ATRN: variants seen among roughly 807,000 people sequenced by gnomAD.
ATRN encodes the protein attractin-2.
ATRN carries 54 observed loss-of-function variants against 178.7 expected under a neutral mutation model. The observed-to-expected ratio is 0.30, with a 90% confidence interval of 0.24 to 0.38. ATRN has a LOEUF of 0.38. Ranked by LOEUF, ATRN falls within the 10% of genes least tolerant of loss-of-function variation. The pLI is 1.00. For synonymous variants in ATRN, 636 were observed against 663.0 expected, an observed-to-expected ratio of 0.96 and a Z score of 0.63; for missense variants, 1,443 against 1,815.1, an observed-to-expected ratio of 0.79 and a Z score of 3.73.
At chr20:3,485,745 C>T (rs548091765) in intron 1 of ATRN, among the ~76,000 whole-genome samples, 3 of 151,352 alleles carry the variant, frequency 2.0e-5, no homozygotes, top group South Asian at 2.1e-4. Flanking sequence ...CCTCAGCCTC[C>T]CAAGTAGCTG....
intron 18 of ATRN, among the ~76,000 whole-genome samples, chr20:3,589,278 G>A (rs981027137): frequency 2.8e-4 from 42 of 152,152 alleles, no homozygotes; most frequent in African/African-American, 8.4e-4. Context: ...GATTACAGGC[G>A]TGAGCCACCA....
chr20:3,491,394 G>A (rs1190654013), intron 1 of ATRN, among the ~76,000 whole-genome samples: 3 of 152,128 alleles, frequency 2.0e-5, no homozygotes, highest in Non-Finnish European at 2.9e-5. Context: ...ACTTCATAAC[G>A]TTTCACTGCT....
chr20:3,641,590 CAAAAAAAAAA>C (rs61692220), intron 27 of ATRN, among the ~76,000 whole-genome samples: 9 of 47,822 alleles, frequency 1.9e-4, no homozygotes, highest in East Asian at 5.7e-4. Context: ...GACTCTGTCG[CAAAAAAAAAA>C]AAAAAAAAAA....
intron 26 of ATRN, among the ~76,000 whole-genome samples, chr20:3,635,919 T>A (rs1213734384): frequency 6.6e-6 from 1 of 152,172 alleles, no homozygotes; most frequent in Non-Finnish European, 1.5e-5. Flanking sequence ...CTGAAAAAAA[T>A]TATATTTTCA....
intron 24 of ATRN, among the ~76,000 whole-genome samples, chr20:3,612,572 C>T (rs1206102207): frequency 1.3e-5 from 2 of 152,044 alleles, no homozygotes; most frequent in East Asian, 3.9e-4. Context: ...GTAGTTTCTC[C>T]GATCCGAAAG....
rs112144103 is a variant in ATRN at position 3,547,627 on chromosome 20, C to G, written c.943+138C>G. 2.1e-3 allele frequency: 1,609 copies of G among 759,408 alleles called. 16 individuals are homozygous for G. The African/African-American group carries it at 0.025, about 12-fold the overall frequency. The allele number at this position is 759,408 out of a possible 1,614,324, so 47.0% of individuals were successfully genotyped here. On this transcript the variant is annotated intron_variant, in intron 5 of 28. Transcript: ENST00000262919. Reference sequence around the variant, plus strand: ...GAGGTAGCATTTAAGCTTGAAACATCCCTCTATCTAGCTGCTTATGAATTT... The same window carrying G: ...GAGGTAGCATTTAAGCTTGAAACATGCCTCTATCTAGCTGCTTATGAATTT...
chr20:3,636,043 A>G (rs1347928126), intron 26 of ATRN, among the ~76,000 whole-genome samples: 2 of 152,362 alleles, frequency 1.3e-5, no homozygotes, highest in Non-Finnish European at 2.9e-5. Flanking sequence ...CTCTCCAAGA[A>G]GGACATTAGA....
chr20:3,520,971 G>C (rs1328234041), intron 1 of ATRN, among the ~76,000 whole-genome samples: 1 of 152,106 alleles, frequency 6.6e-6, no homozygotes, highest in Non-Finnish European at 1.5e-5. Flanking sequence ...TATTAAGATC[G>C]AAGTCGACTT....
intron 1 of ATRN, among the ~76,000 whole-genome samples, chr20:3,482,300 T>A (rs1302812014): frequency 1.3e-5 from 2 of 152,064 alleles, no homozygotes; most frequent in Non-Finnish European, 2.9e-5. Context: ...CATTTTGGGA[T>A]AAAATGTATA....
At chr20:3,599,314 A>G (rs2086574032) in intron 22 of ATRN, among the ~76,000 whole-genome samples, 1 of 152,158 alleles carries the variant, frequency 6.6e-6, no homozygotes, top group Non-Finnish European at 1.5e-5. Context: ...TTCAGGATAT[A>G]CTTCATGCCA....
chr20:3,541,857 C>G (rs564287982), intron 3 of ATRN, among the ~76,000 whole-genome samples: 1 of 152,296 alleles, frequency 6.6e-6, no homozygotes, highest in Admixed American at 6.5e-5. Context: ...AAAAAGAAAT[C>G]AGTTCAACAA....
chr20:3,477,782 ATTTAC>A (rs1364660870), intron 1 of ATRN, among the ~76,000 whole-genome samples: 1 of 152,208 alleles, frequency 6.6e-6, no homozygotes, highest in Admixed American at 6.5e-5. Flanking sequence ...AAATTCTGTA[ATTTAC>A]TTCTTATGAC....
chr20:3,649,923 A>T lies in ATRN; in HGVS notation c.*3076A>T, dbSNP rs2087134370. ...AATAGTTCCCATTTCCCCATGGAGA[A>T]TTTGACATACCCTGGACTCCTGTGT... On this transcript the variant is annotated 3_prime_UTR_variant, in exon 29 of 29. Coordinates refer to ENST00000262919, the MANE Select transcript of ATRN (RefSeq NM_139321.3). 1 of 152,118 alleles carries T rather than the reference A, an allele frequency of 6.6e-6. No homozygotes were observed. The highest frequency in any genetic ancestry group is 2.1e-4 in the South Asian group (1 of 4,822). 9.4% of individuals were successfully genotyped at this position (152,118 alleles called of 1,614,324 possible).
intron 11 of ATRN, among the ~76,000 whole-genome samples, chr20:3,566,230 C>T (rs2086034193): frequency 6.6e-6 from 1 of 152,122 alleles, no homozygotes; most frequent in Admixed American, 6.5e-5. Flanking sequence ...TCTGTAGGCT[C>T]TGGATAATCA....
At chr20:3,500,188 G>T (rs1415275013) in intron 1 of ATRN, among the ~76,000 whole-genome samples, 1 of 152,248 alleles carries the variant, frequency 6.6e-6, no homozygotes, top group East Asian at 1.9e-4. Context: ...GAAACAACAG[G>T]TGCTGGAGAG....
chr20:3,558,111 G>A (rs2146216535), intron 6 of ATRN, among the ~76,000 whole-genome samples: 1 of 152,210 alleles, frequency 6.6e-6, no homozygotes, highest in South Asian at 2.1e-4. Flanking sequence ...CCTGATTTTG[G>A]TGTCAGTTGT....
intron 3 of ATRN, among the ~76,000 whole-genome samples, chr20:3,542,610 CCCCCTTCCCCTTTTCCTTCCCTT>C (rs2085640543): frequency 8.7e-6 from 1 of 114,702 alleles, no homozygotes; most frequent in African/African-American, 3.4e-5. Flanking sequence ...CTTCCCCCTT[CCCCCTTCCCCTTTTCCTTCCCTT>C]CCCCTTCCCC....
intron 1 of ATRN, among the ~76,000 whole-genome samples, chr20:3,507,950 G>A (rs1249543720): frequency 1.3e-5 from 2 of 151,998 alleles, no homozygotes; most frequent in East Asian, 1.9e-4. Flanking sequence ...TGATCCACCC[G>A]TCTCGGCCTC....
chr20:3,610,887 C>G (rs1201442556), intron 24 of ATRN, among the ~76,000 whole-genome samples: 4 of 151,522 alleles, frequency 2.6e-5, no homozygotes, highest in African/African-American at 9.7e-5. Flanking sequence ...TGAGCCGTTG[C>G]GCCCAGCCCC....
Sources: allele counts gnomAD v4.1 joint callset (sites outside exome capture counted in the v4.1 genomes callset), GRCh38; gene constraint gnomAD v4.1.1; transcripts MANE v1.5; gene names NCBI Gene and HGNC (gene_info 2026-07-23, HGNC 2026-07-21).